Variants in KCNQ1 observed in about 807,000 individuals in gnomAD.
KCNQ1 encodes the protein potassium voltage-gated channel subfamily Q member 1.
In KCNQ1, 49 loss-of-function variants were observed where a neutral mutation model predicts 72.4. The observed-to-expected ratio is 0.68, with a 90% CI of 0.54 to 0.86. The LOEUF (loss-of-function observed/expected upper bound fraction) is 0.86, where lower values mean the gene tolerates loss of function less well. KCNQ1 is among the 40% of genes least tolerant of loss of function. The probability of loss-of-function intolerance (pLI) is 0.00; values close to 1 mark genes in which losing one functional copy is unlikely to be tolerated. For synonymous variants in KCNQ1, 450 were observed against 412.6 expected, an observed-to-expected ratio of 1.09 and a Z score of -1.10; for missense variants, 790 against 945.1, an observed-to-expected ratio of 0.84 and a Z score of 2.15.
chr11:2,538,451 G>T lies in KCNQ1; in HGVS notation c.477+10433G>T, dbSNP rs1847771400. ...CTCCACCACGATGGACATCATTTAT[G>T]CCCCAGCCAGGTCCCCTGTCCCAGG... On this transcript the variant is annotated intron_variant, in intron 2 of 15. Coordinates refer to ENST00000155840, the MANE Select transcript of KCNQ1 (RefSeq NM_000218.3). This position sits in a 1 kb window ranked among gnomAD's most constrained non-coding sequence, Gnocchi z 6.7. Among the ~76,000 whole-genome samples, 1 of 152,192 alleles carries T rather than the reference G, an allele frequency of 6.6e-6. No individual in the cohort carries two copies.
intron 13 of KCNQ1, 95 bp downstream of exon 13, chr11:2,776,149 G>A: frequency 9.3e-7 from 1 of 1,080,440 alleles, no homozygotes; most frequent in Non-Finnish European, 1.3e-6. Context: ...GGGAGGGGCT[G>A]AGACCCTGAG....
At chr11:2,570,863 A>G (rs1207561560) in intron 3 of KCNQ1, 109 bp downstream of exon 3, 1 of 1,497,366 alleles carries the variant, frequency 6.7e-7, no homozygotes. Context: ...GGGAACCCCA[A>G]GGCCAGCAGG....
At chr11:2,529,835 G>A (rs575014485) in intron 2 of KCNQ1, among the ~76,000 whole-genome samples, 83 of 151,830 alleles carry the variant, frequency 5.5e-4, no homozygotes, top group African/African-American at 1.9e-3. Context: ...TGGGCGGGCC[G>A]GCTGCCAGGC....
chr11:2,577,727 G>C (rs547547206), intron 6 of KCNQ1, among the ~76,000 whole-genome samples: 2 of 152,290 alleles, frequency 1.3e-5, no homozygotes, highest in South Asian at 4.1e-4. Flanking sequence ...CCCCTTTATG[G>C]CTGTTCCTGA....
At position 2,562,259 on chromosome 11, in the gene KCNQ1, G is replaced by A. The variant is rs188281765; in HGVS notation, c.478-8369G>A. ...GAGTGTGGATGAGGGCCCCAGCTGT[G>A]CCCAGCACGTCACTGGGGGCCCACA... On this transcript the variant is annotated intron_variant, in intron 2 of 15. Coordinates refer to ENST00000155840, the MANE Select transcript of KCNQ1 (RefSeq NM_000218.3). The surrounding 1 kb of genome is among the most constrained non-coding windows in gnomAD (Gnocchi z 7.5). 1.3e-5 allele frequency among the ~76,000 whole-genome samples: 2 copies of A among 152,266 alleles called. No homozygotes were observed. Among genetic ancestry groups the A allele is most frequent in the Non-Finnish European group, 2.9e-5 (2 of 67,992 alleles).
At chr11:2,667,469 G>T in intron 11 of KCNQ1, 1 of 398,682 alleles carries the variant, frequency 2.5e-6, no homozygotes, top group South Asian at 1.3e-4. Flanking sequence ...AGATGGTGTT[G>T]GAGGATGTGA....
chr11:2,657,864 A>C lies in KCNQ1; in HGVS notation c.1394-4097A>C. Reference sequence around the variant, plus strand: ...AGGACTAGACCAGGGTTATAGGTTTAGGGGAAGGAGGCCAGTGAGGTGAGA... The same window carrying C: ...AGGACTAGACCAGGGTTATAGGTTTCGGGGAAGGAGGCCAGTGAGGTGAGA... On this transcript the variant is annotated intron_variant, in intron 10 of 15. Coordinates refer to ENST00000155840, the MANE Select transcript of KCNQ1 (RefSeq NM_000218.3). This position sits in a 1 kb window ranked among gnomAD's most constrained non-coding sequence, Gnocchi z 4.8. 2.5e-6 allele frequency: 1 copy of C among 398,590 alleles called. No homozygotes were observed. Among genetic ancestry groups the C allele is most frequent in the Non-Finnish European group, 4.4e-6 (1 of 226,048 alleles). The allele number at this position is 398,590 out of a possible 1,614,324, so 24.7% of individuals were successfully genotyped here.
chr11:2,460,702 G>A (rs1846264938), intron 1 of KCNQ1, among the ~76,000 whole-genome samples: 3 of 152,238 alleles, frequency 2.0e-5, no homozygotes, highest in African/African-American at 7.2e-5. Flanking sequence ...GCTCTTGTGG[G>A]GCAGTGGGGC....
chr11:2,525,305 C>T (rs1415633427), intron 1 of KCNQ1, among the ~76,000 whole-genome samples: 4 of 152,238 alleles, frequency 2.6e-5, no homozygotes, highest in African/African-American at 9.6e-5. Context: ...TGCTTGTGTC[C>T]CCGTGAGATC....
chr11:2,517,712 G>A (rs895227518), intron 1 of KCNQ1, among the ~76,000 whole-genome samples: 1 of 152,194 alleles, frequency 6.6e-6, no homozygotes, highest in African/African-American at 2.4e-5. Context: ...TTGGCCAGTG[G>A]GACCATGGCC....
chr11:2,610,256 C>T, intron 10 of KCNQ1: 1 of 397,934 alleles, frequency 2.5e-6, no homozygotes, highest in Non-Finnish European at 4.4e-6. Flanking sequence ...TGGTGAGATA[C>T]AGAAGTTATT....
At chr11:2,801,915 G>A (rs1158830077) in intron 15 of KCNQ1, among the ~76,000 whole-genome samples, 1 of 152,272 alleles carries the variant, frequency 6.6e-6, no homozygotes, top group Non-Finnish European at 1.5e-5. Context: ...CTTCTTGGCA[G>A]CACAGACCTC....
rs1849160311 is a variant in KCNQ1, at chr11:2,620,948, G to GTTTTGT, written c.1393+32098_1393+32099insGTTTTT. On this transcript the variant is annotated intron_variant, in intron 10 of 15. Transcript: ENST00000155840. This position sits in a 1 kb window ranked among gnomAD's most constrained non-coding sequence, Gnocchi z 4.5. Reference sequence around the variant, plus strand: ...TTTTTTGTTGTTGTTGTTTTGTTTTGTTTTTTTTTGTCTGTTTTTTGCTTT... The same window carrying GTTTTGT: ...TTTTTTGTTGTTGTTGTTTTGTTTTGTTTTGTTTTTTTTTTGTCTGTTTTTTGCTTT... 2.9e-6 allele frequency: 1 copy of GTTTTGT among 343,498 alleles called. No individual in the cohort carries two copies. The highest frequency in any genetic ancestry group is 2.1e-5 in the African/African-American group (1 of 46,826). 21.3% of individuals were successfully genotyped at this position (343,498 alleles called of 1,614,324 possible). A position where few individuals can be genotyped will look rare whatever the true frequency, so the allele number is the denominator to read the frequency against.
chr11:2,844,118 CA>C (rs1320845696), intron 15 of KCNQ1, among the ~76,000 whole-genome samples: 3 of 152,218 alleles, frequency 2.0e-5, no homozygotes, highest in African/African-American at 7.2e-5. Flanking sequence ...CAAAAAAAAC[CA>C]AACGTGCCAG....
intron 11 of KCNQ1, among the ~76,000 whole-genome samples, chr11:2,733,954 C>A (rs543594467): frequency 6.6e-6 from 1 of 151,618 alleles, no homozygotes; most frequent in East Asian, 2.0e-4. Flanking sequence ...CCTGCTTAAT[C>A]CTCTTGAGTC....
At chr11:2,505,947 C>T (rs1322332724) in intron 1 of KCNQ1, among the ~76,000 whole-genome samples, 1 of 152,182 alleles carries the variant, frequency 6.6e-6, no homozygotes, top group African/African-American at 2.4e-5. Context: ...GCCGATATCA[C>T]CTTTTGATAT....
intron 15 of KCNQ1, among the ~76,000 whole-genome samples, chr11:2,795,461 C>T (rs1299036370): frequency 1.3e-5 from 2 of 152,252 alleles, no homozygotes; most frequent in Non-Finnish European, 2.9e-5. Flanking sequence ...TCCAAACTGA[C>T]ACCCAGTCAC....
chr11:2,445,750 G>T (rs908927686), intron 1 of KCNQ1, among the ~76,000 whole-genome samples: 2 of 152,194 alleles, frequency 1.3e-5, no homozygotes, highest in African/African-American at 4.8e-5. Flanking sequence ...CCAGAATTTG[G>T]CTCCACACCT....
At chr11:2,738,084 C>A (rs1041299795) in intron 11 of KCNQ1, among the ~76,000 whole-genome samples, 36 of 152,088 alleles carry the variant, frequency 2.4e-4, no homozygotes, top group African/African-American at 8.0e-4. Context: ...GCCCCAGGAG[C>A]CTGGGCCTGT....
Sources: allele counts gnomAD v4.1 joint callset (sites outside exome capture counted in the v4.1 genomes callset), GRCh38; gene constraint gnomAD v4.1.1; non-coding constraint Gnocchi (gnomAD v3.1); transcripts MANE v1.5; gene names NCBI Gene and HGNC (gene_info 2026-07-23, HGNC 2026-07-21).